Variants in TEKT4 observed in about 807,000 individuals in gnomAD.
TEKT4 encodes tektin 4, also known as tektin-4.
TEKT4 carries 46 observed loss-of-function variants against 46.0 expected under a neutral mutation model. That is an observed-to-expected ratio of 1.00 (90% CI 0.79 to 1.28). TEKT4 has a LOEUF of 1.28. Among genes scored for constraint, TEKT4 ranks in the 50% most tolerant of loss-of-function variants. TEKT4 has a pLI of 0.00. For synonymous variants in TEKT4, 325 were observed against 265.8 expected (o/e 1.22, Z -2.17); for missense variants, 790 against 622.9 (o/e 1.27, Z -2.85).
At chr2:94,872,972 A>C (rs1553395128) in intron 1 of TEKT4, 1 of 1,289,466 alleles carries the variant, frequency 7.8e-7, no homozygotes, top group Non-Finnish European at 1.0e-6. Context: ...GGGCCCTGGC[A>C]CACAAGGAAG....
At chr2:94,872,291 C>T (rs1476636009) in intron 1 of TEKT4, 3 of 625,982 alleles carry the variant, frequency 4.8e-6, no homozygotes, top group African/African-American at 1.8e-5. Context: ...TGTTTCTCCT[C>T]TCCTCCTCTA....
intron 2 of TEKT4, 128 bp downstream of exon 2, chr2:94,873,718 AG>A: frequency 7.3e-7 from 1 of 1,361,462 alleles, no homozygotes; most frequent in Admixed American, 2.1e-5. Context: ...AGTGGAGCGC[AG>A]GACTGGGTGG....
chr2:94,871,743 C>A lies in TEKT4; in HGVS notation c.164C>A (p.Ala55Asp), dbSNP rs782266229. Reference sequence around the variant, plus strand: ...AACTGCTATGCTCGCTACCACCAGGCCTTCGCCGACCGCGACCAGTCGGAG... The same window carrying A: ...AACTGCTATGCTCGCTACCACCAGGACTTCGCCGACCGCGACCAGTCGGAG... Reference protein sequence around the residue: ...FQNCYARYHQAFADRDQSERQ... With the variant: ...FQNCYARYHQDFADRDQSERQ... Residue 55 changes from alanine (A) to aspartate (D), a missense_variant, in exon 1 of 6, where the codon GCC becomes GAC. Physicochemically the swap from Ala to Asp is moderately radical, Grantham distance 126. Coordinates refer to ENST00000295201, the MANE Select transcript of TEKT4 (RefSeq NM_144705.4). 3 of 1,612,626 alleles carry A rather than the reference C, an allele frequency of 1.9e-6. No individual in the cohort carries two copies. The highest frequency in any genetic ancestry group is 2.5e-6 in the Non-Finnish European group (3 of 1,179,908).
intron 5 of TEKT4, among the ~76,000 whole-genome samples, chr2:94,876,077 C>T (rs1573191247): frequency 6.6e-6 from 1 of 152,344 alleles, no homozygotes; most frequent in Admixed American, 6.5e-5. Flanking sequence ...CCAGGCAGGG[C>T]CATTCCCTGC....
rs17120062 is a variant in TEKT4 at position 94,876,688 on chromosome 2, C to G, written c.1227C>G (p.Asn409Lys). 54,122 of 1,613,186 alleles carry G rather than the reference C, an allele frequency of 0.034. 988 individuals are homozygous for G. The highest frequency in any genetic ancestry group is 0.038 in the Non-Finnish European group (44,735 of 1,179,972). Reference protein sequence around the residue: ...SLEKDIAAMTNSLFIDRQKCM... With the variant: ...SLEKDIAAMTKSLFIDRQKCM... The stretch of plus-strand genomic sequence containing the variant: ...AGAAGGACATTGCCGCCATGACCAA[C>G]AGTCTCTTCATCGACCGCCAGAAGT... The change falls in exon 6 of 6, where the codon AAC becomes AAG. Residue 409 changes from asparagine (N) to lysine (K), a missense_variant. Physicochemically the swap from Asn to Lys is moderately conservative, Grantham distance 94. Transcript: ENST00000295201.
Position 94,873,879 on chromosome 2 carries a change from G to A in TEKT4, c.570-86G>A, listed in dbSNP as rs1359693454. Reference sequence around the variant, plus strand: ...CACCCAGAACTCCCTCCTGAGGCAGGCATTGGGGCCCAGCCTGCAGCACAG... The same window carrying A: ...CACCCAGAACTCCCTCCTGAGGCAGACATTGGGGCCCAGCCTGCAGCACAG... On this transcript the variant is annotated intron_variant, in intron 2 of 5. Transcript: ENST00000295201. 5 of 1,559,148 alleles carry A rather than the reference G, an allele frequency of 3.2e-6. No individual in the cohort carries two copies. In the African/African-American group the frequency reaches 5.4e-5, roughly 17 times the overall value.
chr2:94,873,563 C>G lies in TEKT4; in HGVS notation c.542C>G (p.Thr181Ser), dbSNP rs144244578. The change falls in exon 2 of 6, where the codon ACC becomes AGC. Residue 181 changes from threonine to serine, a missense_variant. Transcript: ENST00000295201. ...IRNIQELLKRTIMQAVSQIRL... is the reference protein window; with the variant it reads ...IRNIQELLKRSIMQAVSQIRL... ...AACATTCAGGAGCTGCTGAAGAGAA[C>G]CATCATGCAAGCAGTGAGCCAGATC... The G allele has an allele frequency of 6.2e-7, 1 of 1,612,964 alleles. No individual in the cohort carries two copies. Among genetic ancestry groups the G allele is most frequent in the African/African-American group, 1.3e-5 (1 of 74,894 alleles).
intron 2 of TEKT4, 70 bp from the exon 3 acceptor site, chr2:94,873,895 T>A: frequency 1.3e-6 from 2 of 1,592,636 alleles, no homozygotes; most frequent in Non-Finnish European, 1.7e-6. Flanking sequence ...GGGCCCAGCC[T>A]GCAGCACAGA....
chr2:94,874,474 G>A (rs1325372198), intron 3 of TEKT4, among the ~76,000 whole-genome samples: 4 of 151,542 alleles, frequency 2.6e-5, no homozygotes, highest in Non-Finnish European at 5.9e-5. Context: ...GGCTGCGGGG[G>A]CCGGAGGTGC....
Position 94,874,771 on chromosome 2 carries a change from C to T in TEKT4, c.714-5C>T, listed in dbSNP as rs782040408. The T allele has an allele frequency of 1.5e-5, 23 of 1,562,904 alleles. 1 individual carries two copies. The highest frequency in any genetic ancestry group is 2.1e-4 in the Middle Eastern group (1 of 4,700). On this transcript the variant is annotated splice_polypyrimidine_tract_variant and splice_region_variant and intron_variant, in intron 3 of 5. Transcript: ENST00000295201. ...ACCCTCTCCTGGCTGTCCCCCGCCC[C>T]GCAGCGCCTCCACCCCGGAGACCCG...
At position 94,875,670 on chromosome 2, in the gene TEKT4, T is replaced by C. The variant is rs1680813342; in HGVS notation, c.1019T>C (p.Val340Ala). 1.2e-6 allele frequency: 2 copies of C among 1,614,150 alleles called. No homozygotes were observed. The highest frequency in any genetic ancestry group is 1.7e-6 in the Non-Finnish European group (2 of 1,180,012). ...AAGGACAAAGAGGCACCTCTGCACG[T>C]AGCCCAGACCCGGCTGTACCTGCGC... The part of the protein sequence containing the change: ...AIKDKEAPLH[V>A]AQTRLYLRSH... The change falls in exon 5 of 6, where the codon GTA becomes GCA. Residue 340 changes from valine to alanine, a missense_variant. By Grantham distance (64) the Val-to-Ala change is moderately conservative. Coordinates refer to ENST00000295201, the MANE Select transcript of TEKT4 (RefSeq NM_144705.4).
Position 94,873,539 on chromosome 2 carries a change from ACATTCAG to A in TEKT4, c.519_525del (p.Asn173LysfsTer4). The A allele has an allele frequency of 6.2e-7, 1 of 1,612,558 alleles. No individual in the cohort carries two copies. The highest frequency in any genetic ancestry group is 1.1e-5 in the South Asian group (1 of 91,008). The stretch of plus-strand genomic sequence containing the variant: ...CCTCAGGAAGCCGAGCTCATCCGGA[ACATTCAG>A]GAGCTGCTGAAGAGAACCATCATGC... On this transcript the variant is annotated frameshift_variant, in exon 2 of 6. Transcript: ENST00000295201. LOFTEE classifies it high-confidence loss of function.
At chr2:94,872,212 G>A in intron 1 of TEKT4, 135 bp downstream of exon 1, 1 of 1,190,870 alleles carries the variant, frequency 8.4e-7, no homozygotes, top group Non-Finnish European at 1.1e-6. Flanking sequence ...AGACCCCTGA[G>A]TCCCGAAATC....
At chr2:94,872,879 C>G (rs1381897494) in intron 1 of TEKT4, 2 of 1,289,256 alleles carry the variant, frequency 1.6e-6, no homozygotes, top group Non-Finnish European at 2.0e-6. Context: ...AACTCTCTGC[C>G]CGCAACAAGG....
In TEKT4 at chr2:94,873,979, A is replaced by C; in HGVS notation, c.584A>C (p.His195Pro). ...AVSQIRLNRE[H>P]KETCEMDWSD... ...CCCCGCCCCAGACTGAACCGGGAGC[A>C]CAAGGAGACCTGCGAGATGGACTGG... The change falls in exon 3 of 6, where the codon CAC becomes CCC. Residue 195 changes from histidine (H) to proline (P), a missense_variant. Physicochemically the swap from His to Pro is moderately conservative, Grantham distance 77. Coordinates refer to ENST00000295201, the MANE Select transcript of TEKT4 (RefSeq NM_144705.4). The C allele has an allele frequency of 6.3e-7, 1 of 1,587,504 alleles. No homozygotes were observed. Among genetic ancestry groups the C allele is most frequent in the African/African-American group, 1.3e-5 (1 of 74,220 alleles).
In TEKT4 at chr2:94,871,780, C is replaced by T. The variant is rs199545713; in HGVS notation, c.201C>T (p.His67=). The T allele has an allele frequency of 7.4e-6, 12 of 1,611,972 alleles. No homozygotes were observed. The highest frequency in any genetic ancestry group is 6.7e-5 in the East Asian group (3 of 44,872). The change falls in exon 1 of 6, where the codon CAC becomes CAT. Residue 67 remains histidine (H), a synonymous_variant. Transcript: ENST00000295201. The part of the protein sequence containing the change: ...ADRDQSERQR[H]ESQQLATETQ... The stretch of plus-strand genomic sequence containing the variant: ...GCGACCAGTCGGAGCGGCAGCGGCA[C>T]GAGAGCCAGCAGCTGGCCACAGAGA...
rs201950920 is a variant in TEKT4 at position 94,873,988 on chromosome 2, C to T, written c.593C>T (p.Thr198Ile). 6 of 1,613,500 alleles carry T rather than the reference C, an allele frequency of 3.7e-6. No individual in the cohort carries two copies. In the African/African-American group the frequency reaches 5.3e-5, roughly 14 times the overall value. ...AGACTGAACCGGGAGCACAAGGAGA[C>T]CTGCGAGATGGACTGGTCAGACAAG... ...QIRLNREHKE[T>I]CEMDWSDKME... Residue 198 changes from threonine to isoleucine, a missense_variant, in exon 3 of 6, where the codon ACC (threonine) becomes ATC (isoleucine). Transcript: ENST00000295201.
chr2:94,871,977 C>A lies in TEKT4; in HGVS notation c.398C>A (p.Thr133Lys), dbSNP rs1553394720. 1 of 1,600,668 alleles carries A rather than the reference C, an allele frequency of 6.2e-7. No homozygotes were observed. Among genetic ancestry groups the A allele is most frequent in the Admixed American group, 1.7e-5 (1 of 59,138 alleles). The change falls in exon 1 of 6, where the codon ACA (threonine) becomes AAA (lysine). Residue 133 changes from threonine (T) to lysine (K), a missense_variant. Physicochemically the swap from Thr to Lys is moderately conservative, Grantham distance 78. Transcript: ENST00000295201. ...KQRLERALDA[T>K]EVPFSITTDN... ...CGGCTGGAGCGCGCCCTGGACGCCA[C>A]AGAGGTGCCCTTCTCCATCACCACT...
At chr2:94,873,611 G>A (rs1680680745) in intron 2 of TEKT4, 21 bp downstream of exon 2, 2 of 1,613,370 alleles carry the variant, frequency 1.2e-6, no homozygotes, top group East Asian at 2.2e-5. Context: ...GGCTGCCCAA[G>A]GGATGATTCC....
Sources: gnomAD v4.1 joint callset for allele counts (sites outside exome capture counted in the v4.1 genomes callset) on GRCh38, gnomAD v4.1.1 for gene constraint, MANE v1.5 for transcripts, NCBI Gene and HGNC (gene_info 2026-07-23, HGNC 2026-07-21) for gene names.